The following GLOD4 variants were observed in gnomAD, a reference collection of about 807,000 sequenced individuals.
GLOD4 encodes glyoxalase domain containing 4, also known as glyoxalase domain-containing protein 4.
In GLOD4, 44 loss-of-function variants were observed where a neutral mutation model predicts 39.1. The ratio of observed to expected loss-of-function variants is 1.13; its 90% CI spans 0.88 to 1.45. GLOD4 has a LOEUF of 1.45. GLOD4 is among the 40% of genes most tolerant of loss of function. GLOD4 has a pLI of 0.00. For synonymous variants in GLOD4, 145 were observed against 135.0 expected (o/e 1.07, Z -0.52); for missense variants, 405 against 366.4 (o/e 1.11, Z -0.86).
At chr17:775,718 C>A in intron 4 of GLOD4, 57 bp downstream of exon 4, 1 of 1,453,362 alleles carries the variant, frequency 6.9e-7, no homozygotes, top group Non-Finnish European at 9.6e-7. Flanking sequence ...AGCCCTCACT[C>A]TCCTTTCACC....
upstream of GLOD4, among the ~76,000 whole-genome samples, chr17:783,845 C>T (rs1487272434): frequency 6.6e-6 from 1 of 152,184 alleles, no homozygotes; most frequent in Non-Finnish European, 1.5e-5. Context: ...GGAAGAACCA[C>T]TATTCCTCAA....
chr17:782,361 GC>G, upstream of GLOD4: 1 of 1,613,260 alleles, frequency 6.2e-7, no homozygotes, highest in Non-Finnish European at 8.5e-7. Context: ...TCGTGACGCA[GC>G]CCGGGTCTCA....
At chr17:774,494 G>A (rs546283675) in intron 4 of GLOD4, among the ~76,000 whole-genome samples, 2 of 152,338 alleles carry the variant, frequency 1.3e-5, no homozygotes, top group East Asian at 3.9e-4. Flanking sequence ...ATGAAACACT[G>A]ATGAGGCTGC....
chr17:760,839 G>A (rs1395906489), intron 8 of GLOD4, among the ~76,000 whole-genome samples: 1 of 152,248 alleles, frequency 6.6e-6, no homozygotes, highest in Admixed American at 6.5e-5. Context: ...TATAGTCACA[G>A]CCACTTGGAG....
At chr17:776,536 T>C (rs1908992105) in intron 3 of GLOD4, among the ~76,000 whole-genome samples, 1 of 152,178 alleles carries the variant, frequency 6.6e-6, no homozygotes. Context: ...TTTCACTCGG[T>C]GACTTACGGC....
At chr17:783,066 T>A (rs1463777767), upstream of GLOD4, 10 of 1,576,902 alleles carry the variant, frequency 6.3e-6, no homozygotes, top group South Asian at 1.1e-5. Context: ...GTTTTTTTTT[T>A]TTATTTCCAT....
intron 5 of GLOD4, 160 bp from the exon 6 acceptor site, chr17:770,667 T>G: frequency 3.6e-6 from 2 of 553,064 alleles, no homozygotes. Flanking sequence ...TTCCTGTGTA[T>G]CCTTCTAGAA....
rs769511981 is a variant in GLOD4 at position 782,267 on chromosome 17, C to T, written c.-12G>A. On this transcript the variant is annotated 5_prime_UTR_variant, in exon 1 of 9. Coordinates refer to ENST00000301329, the MANE Select transcript of GLOD4 (RefSeq NM_016080.4). ...CTGCGAGCAGCCATGATTCCCGCCG[C>T]ACGCAGCCGTCACGCGCACCGTACA... 2.5e-6 allele frequency: 4 copies of T among 1,613,318 alleles called. No homozygotes were observed. The highest frequency in any genetic ancestry group is 2.5e-6 in the Non-Finnish European group (3 of 1,179,562).
In GLOD4 at chr17:770,175, C is replaced by T; in HGVS notation, c.631-18G>A. 7.2e-7 allele frequency: 1 copy of T among 1,392,082 alleles called. No individual in the cohort carries two copies. The highest frequency in any genetic ancestry group is 1.0e-6 in the Non-Finnish European group (1 of 979,584). 86.2% of individuals were successfully genotyped at this position (1,392,082 alleles called of 1,614,324 possible). ...TCTGGCAACTTGAGGAAAACAGAGG[C>T]AACGTGAGCCAGGGGTCACACACTA... On this transcript the variant is annotated intron_variant, in intron 6 of 8. Transcript: ENST00000301329.
At chr17:772,790 T>C (rs1462212826) in intron 4 of GLOD4, among the ~76,000 whole-genome samples, 1 of 152,028 alleles carries the variant, frequency 6.6e-6, no homozygotes, top group Non-Finnish European at 1.5e-5. Flanking sequence ...GGTCAGGAGA[T>C]AGAGACCATC....
chr17:778,809 G>A, intron 1 of GLOD4, 65 bp from the exon 2 acceptor site: 2 of 857,598 alleles, frequency 2.3e-6, no homozygotes, highest in Non-Finnish European at 1.9e-6. Context: ...CTTTAGCACA[G>A]ACTAAAATGT....
At chr17:773,349 C>A (rs1471777197) in intron 4 of GLOD4, among the ~76,000 whole-genome samples, 1 of 152,152 alleles carries the variant, frequency 6.6e-6, no homozygotes, top group Non-Finnish European at 1.5e-5. Context: ...AAATATCCAA[C>A]AATAGAGAAT....
intron 4 of GLOD4, among the ~76,000 whole-genome samples, chr17:773,297 TC>T (rs1211709369): frequency 1.3e-5 from 2 of 152,164 alleles, no homozygotes; most frequent in African/African-American, 4.8e-5. Flanking sequence ...ACAAAGACAT[TC>T]ACCAGTGTTG....
intron 4 of GLOD4, 72 bp downstream of exon 4, chr17:775,703 C>T (rs1908791703): frequency 2.4e-6 from 3 of 1,272,790 alleles, no homozygotes; most frequent in Non-Finnish European, 2.2e-6. Flanking sequence ...AAAAAAAAGA[C>T]AGGCAGCCCT....
chr17:771,435 C>T lies in GLOD4; in HGVS notation c.433G>A (p.Val145Met). 1.3e-6 allele frequency: 2 copies of T among 1,570,348 alleles called. No homozygotes were observed. The highest frequency in any genetic ancestry group is 3.5e-5 in the Admixed American group (2 of 56,912). Residue 145 changes from valine to methionine, a missense_variant, in exon 5 of 9, where the codon GTG becomes ATG. Val to Met is a conservative substitution (Grantham distance 21, BLOSUM62 1). Transcript: ENST00000301329. The stretch of plus-strand genomic sequence containing the variant: ...TTCAAGGACTTTTGAAGATCAGACA[C>T]TGCTAGAGTTACTTTTAATACAGGA... ...SDPVLKVTLA[V>M]SDLQKSLNYW... is the part of the protein sequence containing the mutation.
rs58619592 is a variant in GLOD4, at chr17:772,247, G to A, written c.407-786C>T. On this transcript the variant is annotated intron_variant, in intron 4 of 8. Transcript: ENST00000301329. ...GAAAAGCCTCATTATTCAATGGACG[G>A]CGCTAAGAAGACTGGCTAATCATTT... Among the ~76,000 whole-genome samples the A allele has an allele frequency of 2.8e-3, 426 of 150,014 alleles. 2 individuals carry two copies. The highest frequency in any genetic ancestry group is 9.3e-3 in the African/African-American group (381 of 40,888).
At chr17:763,063 G>C (rs1368477015) in intron 8 of GLOD4, among the ~76,000 whole-genome samples, 1 of 151,972 alleles carries the variant, frequency 6.6e-6, no homozygotes, top group Non-Finnish European at 1.5e-5. Flanking sequence ...TGTAGTCCCA[G>C]CTACTCGGGA....
rs184747100 is a variant in GLOD4 at position 769,527 on chromosome 17, T to C, written c.831+342A>G. 4.9e-5 allele frequency among the ~76,000 whole-genome samples: 7 copies of C among 144,184 alleles called. No homozygotes were observed. In the East Asian group the frequency reaches 1.5e-3, roughly 30 times the overall value. The allele number at this position is 144,184 out of a possible 152,430, so 94.6% of individuals were successfully genotyped here. On this transcript the variant is annotated intron_variant, in intron 8 of 8. Transcript: ENST00000301329. The stretch of plus-strand genomic sequence containing the variant: ...GCTGAGGGGGTCGGATGGAGGCATC[T>C]CCATGGGGAGAGCTGAGGGGGTCGG...
chr17:760,211 A>T lies in GLOD4; in HGVS notation c.859T>A (p.Trp287Arg). The T allele has an allele frequency of 6.3e-7, 1 of 1,597,708 alleles. No individual in the cohort carries two copies. Among genetic ancestry groups the T allele is most frequent in the Non-Finnish European group, 8.6e-7 (1 of 1,165,098 alleles). The stretch of plus-strand genomic sequence containing the variant: ...TTGGGTTTATTGTGTTTGGCAAACC[A>T]CTCGTCACTTTTATCTGCTGCCATT... ...DAMAADKSDE[W>R]FAKHNKPKAS... The change falls in exon 9 of 9, where the codon TGG becomes AGG. Residue 287 changes from tryptophan to arginine, a missense_variant. Coordinates refer to ENST00000301329, the MANE Select transcript of GLOD4 (RefSeq NM_016080.4).
Sources: allele counts gnomAD v4.1 joint callset (sites outside exome capture counted in the v4.1 genomes callset), GRCh38; gene constraint gnomAD v4.1.1; transcripts MANE v1.5; gene names NCBI Gene and HGNC (gene_info 2026-07-23, HGNC 2026-07-21).